Variants in NLGN1 observed in about 807,000 individuals in gnomAD.
The protein encoded by NLGN1 is neuroligin-1.
NLGN1 carries 12 observed loss-of-function variants against 65.5 expected under a neutral mutation model. That is an observed-to-expected ratio of 0.18 (90% CI 0.12 to 0.30). The LOEUF (loss-of-function observed/expected upper bound fraction) is 0.30, where lower values mean the gene tolerates loss of function less well. Among genes scored for constraint, NLGN1 ranks in the 10% least tolerant of loss-of-function variants. The probability of loss-of-function intolerance (pLI) is 1.00; values close to 1 mark genes in which losing one functional copy is unlikely to be tolerated. For missense variants in NLGN1, 750 were observed against 1,007.1 expected (o/e 0.74, Z 3.46); for synonymous variants, 350 against 359.5 (o/e 0.97, Z 0.30).
At chr3:173,783,415 G>A (rs767175334) in intron 3 of NLGN1, among the ~76,000 whole-genome samples, 2 of 152,056 alleles carry the variant, frequency 1.3e-5, no homozygotes, top group Non-Finnish European at 2.9e-5. Flanking sequence ...TGGCCTCAGT[G>A]TCCTCACCTG....
intron 2 of NLGN1, among the ~76,000 whole-genome samples, chr3:173,467,254 C>A (rs1724522792): frequency 6.6e-6 from 1 of 151,712 alleles, no homozygotes; most frequent in Non-Finnish European, 1.5e-5. Context: ...ACTATTTTGT[C>A]AAATATGTGC....
chr3:174,287,776 T>C (rs991520292), downstream of NLGN1, among the ~76,000 whole-genome samples: 1 of 151,450 alleles, frequency 6.6e-6, no homozygotes, highest in African/African-American at 2.4e-5. Flanking sequence ...GGCTCCTGTT[T>C]CCATGGCCTA....
intron 4 of NLGN1, among the ~76,000 whole-genome samples, chr3:173,848,776 C>G (rs1363996791): frequency 1.3e-5 from 2 of 152,116 alleles, no homozygotes; most frequent in Admixed American, 6.5e-5. Context: ...TTTATTCAAT[C>G]TTTATGTGAA....
At chr3:173,439,182 G>A (rs1005158093) in intron 2 of NLGN1, among the ~76,000 whole-genome samples, 1 of 152,106 alleles carries the variant, frequency 6.6e-6, no homozygotes, top group Non-Finnish European at 1.5e-5. Context: ...TTCCCCCATA[G>A]CACATATCAC....
intron 2 of NLGN1, among the ~76,000 whole-genome samples, chr3:173,603,521 T>C (rs1386934739): frequency 6.6e-6 from 1 of 152,102 alleles, no homozygotes; most frequent in Admixed American, 6.6e-5. Flanking sequence ...ATTTTTGCAT[T>C]GCAAATTTAT....
chr3:174,240,532 T>C (rs1433604553), intron 4 of NLGN1, among the ~76,000 whole-genome samples: 1 of 152,032 alleles, frequency 6.6e-6, no homozygotes, highest in Admixed American at 6.6e-5. Context: ...ACAGGCCAGA[T>C]AGGAAAAAAG....
chr3:173,580,455 A>C (rs1746213991), intron 2 of NLGN1, among the ~76,000 whole-genome samples: 1 of 152,028 alleles, frequency 6.6e-6, no homozygotes, highest in African/African-American at 2.4e-5. Context: ...TGAAGAAATT[A>C]GCAAGCCCAT....
At chr3:173,740,961 A>G (rs1560275030) in intron 3 of NLGN1, among the ~76,000 whole-genome samples, 1 of 152,172 alleles carries the variant, frequency 6.6e-6, no homozygotes, top group Non-Finnish European at 1.5e-5. Flanking sequence ...TACAGAAAAA[A>G]CAGCTTTGAC....
chr3:174,053,777 A>ATTCAT (rs1735439537), intron 4 of NLGN1, among the ~76,000 whole-genome samples: 1 of 151,716 alleles, frequency 6.6e-6, no homozygotes, highest in African/African-American at 2.4e-5. Context: ...TTCATTTGCT[A>ATTCAT]CCTTTTCCTT....
At chr3:173,988,600 T>A (rs1720441972) in intron 4 of NLGN1, among the ~76,000 whole-genome samples, 3 of 152,180 alleles carry the variant, frequency 2.0e-5, no homozygotes, top group Non-Finnish European at 2.9e-5. Context: ...TTCTAAGGAA[T>A]ACTGTTTGTC....
At chr3:173,493,825 T>C (rs1285219775) in intron 2 of NLGN1, among the ~76,000 whole-genome samples, 3 of 150,272 alleles carry the variant, frequency 2.0e-5, no homozygotes, top group Non-Finnish European at 4.5e-5. Flanking sequence ...AATGATTTAA[T>C]TGAATATATA....
chr3:173,491,368 A>T (rs188199406), intron 2 of NLGN1, among the ~76,000 whole-genome samples: 32 of 151,790 alleles, frequency 2.1e-4, no homozygotes, highest in African/African-American at 5.6e-4. Flanking sequence ...GGTTTTTGTC[A>T]TTGGTTCTGT....
At chr3:173,673,313 A>G (rs1330587412) in intron 3 of NLGN1, among the ~76,000 whole-genome samples, 11 of 152,198 alleles carry the variant, frequency 7.2e-5, no homozygotes, top group Admixed American at 5.2e-4. Flanking sequence ...AACTCTTAAT[A>G]TGTAACGATA....
intron 4 of NLGN1, among the ~76,000 whole-genome samples, chr3:173,879,246 A>G (rs969712024): frequency 8.0e-5 from 12 of 150,878 alleles, no homozygotes; most frequent in Non-Finnish European, 1.6e-4. Flanking sequence ...AAAAAAAAAA[A>G]GAAAGAAAGA....
At chr3:173,729,766 C>T (rs1772460794) in intron 3 of NLGN1, among the ~76,000 whole-genome samples, 1 of 151,992 alleles carries the variant, frequency 6.6e-6, no homozygotes, top group Non-Finnish European at 1.5e-5. Context: ...TGTCAAATGT[C>T]CAGGTCACTC....
chr3:173,474,870 A>G (rs1052120194), intron 2 of NLGN1, among the ~76,000 whole-genome samples: 3 of 152,112 alleles, frequency 2.0e-5, no homozygotes, highest in African/African-American at 7.2e-5. Flanking sequence ...AGGCAGGAGA[A>G]TTGCTTGAAC....
chr3:174,271,926 C>CAA (rs1749476151), intron 4 of NLGN1, among the ~76,000 whole-genome samples: 1 of 151,506 alleles, frequency 6.6e-6, no homozygotes. Flanking sequence ...ATTCCTGAGT[C>CAA]AAGTAAATTA....
At chr3:173,995,570 G>A (rs887760963) in intron 4 of NLGN1, among the ~76,000 whole-genome samples, 2 of 150,980 alleles carry the variant, frequency 1.3e-5, no homozygotes, top group African/African-American at 2.4e-5. Context: ...AGTGAAGAGG[G>A]AATTAGGGAA....
At chr3:173,693,699 C>A (rs1050581726) in intron 3 of NLGN1, among the ~76,000 whole-genome samples, 1 of 151,552 alleles carries the variant, frequency 6.6e-6, no homozygotes, top group South Asian at 2.1e-4. Context: ...GAGAATGGTG[C>A]AGAAAATAAT....
Sources: allele counts gnomAD v4.1 joint callset (sites outside exome capture counted in the v4.1 genomes callset), GRCh38; gene constraint gnomAD v4.1.1; transcripts MANE v1.5; gene names NCBI Gene and HGNC (gene_info 2026-07-23, HGNC 2026-07-21).